LRMDA: variants seen among roughly 807,000 people sequenced by gnomAD.
LRMDA encodes the protein leucine rich melanocyte differentiation associated.
A neutral mutation model predicts 29.8 loss-of-function variants in LRMDA; 18 were observed. The observed-to-expected ratio is 0.60, with a 90% CI of 0.42 to 0.90. The LOEUF (loss-of-function observed/expected upper bound fraction) is 0.90, where lower values mean the gene tolerates loss of function less well. Among genes scored for constraint, LRMDA ranks in the 40% least tolerant of loss-of-function variants. LRMDA has a pLI of 0.00. For synonymous variants in LRMDA, 125 were observed against 109.4 expected, an observed-to-expected ratio of 1.14 and a Z score of -0.89; for missense variants, 273 against 273.9, an observed-to-expected ratio of 1.00 and a Z score of 0.02.
intron 2 of LRMDA, chr10:75,782,991 T>C: frequency 1.9e-6 from 3 of 1,614,022 alleles, no homozygotes; most frequent in Non-Finnish European, 2.5e-6. Flanking sequence ...AAAGTATTTG[T>C]CACTCAGCGG....
chr10:75,926,200 G>A (rs150853443), intron 2 of LRMDA, among the ~76,000 whole-genome samples: 1 of 152,114 alleles, frequency 6.6e-6, no homozygotes, highest in Non-Finnish European at 1.5e-5. Context: ...GATTTTATTA[G>A]AACTGGGCAT....
intron 6 of LRMDA, chr10:76,556,354 G>A (rs1429244659): frequency 6.6e-6 from 1 of 151,708 alleles, no homozygotes; most frequent in Non-Finnish European, 1.5e-5. Context: ...TTTTGTTTTT[G>A]TTTTTTTGTT....
chr10:76,547,770 A>G (rs773652192), intron 6 of LRMDA, among the ~76,000 whole-genome samples: 3 of 152,162 alleles, frequency 2.0e-5, no homozygotes, highest in Non-Finnish European at 2.9e-5. Flanking sequence ...AGCCTGGTTG[A>G]TGTGACATCC....
At chr10:76,243,123 C>T (rs1427839638) in intron 5 of LRMDA, among the ~76,000 whole-genome samples, 3 of 152,176 alleles carry the variant, frequency 2.0e-5, no homozygotes, top group African/African-American at 4.8e-5. Flanking sequence ...TGCTGGCAGG[C>T]ACCCAGTGAT....
intron 2 of LRMDA, among the ~76,000 whole-genome samples, chr10:75,799,883 T>C (rs1564570993): frequency 6.6e-6 from 1 of 152,178 alleles, no homozygotes; most frequent in Non-Finnish European, 1.5e-5. Context: ...GTTCAAATAC[T>C]GTTTTTGCCT....
chr10:76,534,449 C>G (rs1843270314), intron 6 of LRMDA, among the ~76,000 whole-genome samples: 1 of 152,126 alleles, frequency 6.6e-6, no homozygotes, highest in Non-Finnish European at 1.5e-5. Context: ...TTTCCACTGG[C>G]CTGATGCAAA....
chr10:76,037,546 A>C (rs1848271239), intron 3 of LRMDA, among the ~76,000 whole-genome samples: 1 of 152,246 alleles, frequency 6.6e-6, no homozygotes, highest in Non-Finnish European at 1.5e-5. Flanking sequence ...GCTACAGCAC[A>C]GTACCGTACA....
rs924450524 is a variant in LRMDA at position 75,854,152 on chromosome 10, C to T, written c.132-181856C>T. Among the ~76,000 whole-genome samples the T allele has an allele frequency of 5.3e-5, 8 of 152,070 alleles. 1 individual carries two copies. In the South Asian group the frequency reaches 8.3e-4, roughly 16 times the overall value. On this transcript the variant is annotated intron_variant, in intron 2 of 6. Transcript: ENST00000611255. ...TGTGGGAGTGCAGGAGGAGCTCATG[C>T]GAATGAGTGGCTCTAGTATTTTTGG...
chr10:76,171,307 T>C (rs1290339340), intron 5 of LRMDA, among the ~76,000 whole-genome samples: 6 of 152,174 alleles, frequency 3.9e-5, no homozygotes, highest in Non-Finnish European at 2.9e-5. Flanking sequence ...GGCTAATTTT[T>C]TTTGTATATT....
intron 2 of LRMDA, among the ~76,000 whole-genome samples, chr10:75,924,489 C>T (rs748687177): frequency 3.9e-5 from 6 of 152,158 alleles, no homozygotes; most frequent in East Asian, 1.9e-4. Context: ...GTTGGAAAGT[C>T]GGGATGCGTG....
At chr10:75,447,674 C>CA (rs1188923954) in intron 2 of LRMDA, among the ~76,000 whole-genome samples, 2 of 152,110 alleles carry the variant, frequency 1.3e-5, no homozygotes, top group African/African-American at 4.8e-5. Context: ...TTGGGAGGCT[C>CA]AGTTGAGCCC....
At chr10:75,596,098 A>G (rs922459441) in intron 2 of LRMDA, among the ~76,000 whole-genome samples, 1 of 152,214 alleles carries the variant, frequency 6.6e-6, no homozygotes, top group African/African-American at 2.4e-5. Context: ...GTGAATGAAT[A>G]AATGAAGATA....
intron 6 of LRMDA, among the ~76,000 whole-genome samples, chr10:76,463,238 T>G (rs1036045106): frequency 6.6e-6 from 1 of 152,180 alleles, no homozygotes; most frequent in East Asian, 1.9e-4. Context: ...AATACTGTAA[T>G]TGTGGGCCAG....
chr10:76,076,345 C>CAAAAAA (rs397846101), intron 5 of LRMDA, among the ~76,000 whole-genome samples: 1 of 50,024 alleles, frequency 2.0e-5, no homozygotes, highest in Non-Finnish European at 3.5e-5. Flanking sequence ...GACTCCATCT[C>CAAAAAA]AAAAAAAAAA....
At chr10:75,908,077 G>T (rs149871629) in intron 2 of LRMDA, among the ~76,000 whole-genome samples, 2 of 152,290 alleles carry the variant, frequency 1.3e-5, no homozygotes, top group East Asian at 3.9e-4. Context: ...ATTTTTGGAG[G>T]ATTATAAATA....
intron 2 of LRMDA, among the ~76,000 whole-genome samples, chr10:75,822,557 A>C (rs570368470): frequency 9.2e-5 from 14 of 152,202 alleles, no homozygotes; most frequent in Non-Finnish European, 1.8e-4. Flanking sequence ...TTTTTACTTC[A>C]AATTATACTA....
At chr10:76,524,351 G>A (rs1843152703) in intron 6 of LRMDA, among the ~76,000 whole-genome samples, 1 of 152,194 alleles carries the variant, frequency 6.6e-6, no homozygotes, top group African/African-American at 2.4e-5. Context: ...GTTTGGAGAC[G>A]TGGTGCAGCG....
At chr10:75,772,175 C>T (rs528751369) in intron 2 of LRMDA, among the ~76,000 whole-genome samples, 6 of 152,264 alleles carry the variant, frequency 3.9e-5, no homozygotes, top group East Asian at 3.9e-4. Context: ...CAGAATTACA[C>T]GCTGGCACCA....
intron 6 of LRMDA, among the ~76,000 whole-genome samples, chr10:76,477,707 T>C (rs925136510): frequency 3.3e-5 from 5 of 152,008 alleles, no homozygotes; most frequent in Admixed American, 2.0e-4. Flanking sequence ...AGCAGAGATA[T>C]AGACCAATGG....
Sources: allele counts gnomAD v4.1 joint callset (sites outside exome capture counted in the v4.1 genomes callset), GRCh38; gene constraint gnomAD v4.1.1; transcripts MANE v1.5; gene names NCBI Gene and HGNC (gene_info 2026-07-23, HGNC 2026-07-21).